The following ADGRB3 variants were observed in gnomAD, a reference collection of about 807,000 sequenced individuals.
ADGRB3 encodes brain-specific angiogenesis inhibitor 3.
In ADGRB3, 37 loss-of-function variants were observed where a neutral mutation model predicts 193.4. The ratio of observed to expected loss-of-function variants is 0.19; its 90% CI spans 0.15 to 0.25. The LOEUF is 0.25. Among genes scored for constraint, ADGRB3 ranks in the 10% least tolerant of loss-of-function variants. ADGRB3 has a pLI of 1.00. For synonymous variants in ADGRB3, 690 were observed against 644.2 expected (o/e 1.07, Z -1.08); for missense variants, 1,637 against 1,852.9 (o/e 0.88, Z 2.14).
rs1022806653 is a variant in ADGRB3, at chr6:69,053,051, T to A, written c.2333+3705T>A. 1.6e-4 allele frequency among the ~76,000 whole-genome samples: 25 copies of A among 152,000 alleles called. 1 individual carries two copies. Among genetic ancestry groups the A allele is most frequent in the Admixed American group, 1.1e-3 (17 of 15,264 alleles). ...AAATACAAAAATTAGCCGTGCATGG[T>A]GGTGTGTGCCTGTAGTCCCAGATAC... On this transcript the variant is annotated intron_variant, in intron 15 of 31. Transcript: ENST00000370598.
chr6:69,033,317 C>T (rs544831477), intron 13 of ADGRB3, among the ~76,000 whole-genome samples: 14 of 152,224 alleles, frequency 9.2e-5, no homozygotes, highest in African/African-American at 3.1e-4. Flanking sequence ...TTGAATGATT[C>T]ATACAAATAA....
chr6:68,642,132 C>T (rs140893745), intron 3 of ADGRB3, among the ~76,000 whole-genome samples: 1,771 of 152,230 alleles, frequency 0.012, 13 homozygotes, highest in Non-Finnish European at 0.018. Flanking sequence ...AGATTACTCT[C>T]CTTTGACTCC....
At chr6:69,061,149 C>A (rs1366639787) in intron 15 of ADGRB3, among the ~76,000 whole-genome samples, 1 of 151,644 alleles carries the variant, frequency 6.6e-6, no homozygotes, top group Non-Finnish European at 1.5e-5. Flanking sequence ...TAGACTTATG[C>A]TTTGTTGTTT....
intron 22 of ADGRB3, among the ~76,000 whole-genome samples, 182 bp downstream of exon 22, chr6:69,328,071 A>G (rs1292775352): frequency 1.3e-5 from 2 of 152,210 alleles, no homozygotes; most frequent in Non-Finnish European, 2.9e-5. Context: ...ATGTTGTGGC[A>G]CTATTCAGAA....
intron 26 of ADGRB3, among the ~76,000 whole-genome samples, chr6:69,346,147 T>G (rs1769083381): frequency 6.6e-6 from 1 of 152,150 alleles, no homozygotes; most frequent in Admixed American, 6.6e-5. Flanking sequence ...GAAGAATCAA[T>G]ATCATGAAAA....
intron 3 of ADGRB3, among the ~76,000 whole-genome samples, chr6:68,819,788 T>TA (rs1421741340): frequency 2.0e-5 from 3 of 152,072 alleles, no homozygotes; most frequent in Admixed American, 6.6e-5. Flanking sequence ...AGAGTTAAAT[T>TA]AAAAAACAAC....
intron 20 of ADGRB3, among the ~76,000 whole-genome samples, chr6:69,242,874 T>C (rs1199138971): frequency 6.6e-6 from 1 of 151,976 alleles, no homozygotes; most frequent in Non-Finnish European, 1.5e-5. Context: ...GTAAAGCATT[T>C]CCTTTACACC....
At chr6:68,973,727 A>G (rs1458291498) in intron 8 of ADGRB3, among the ~76,000 whole-genome samples, 1 of 152,212 alleles carries the variant, frequency 6.6e-6, no homozygotes, top group Non-Finnish European at 1.5e-5. Context: ...GACCCAAACA[A>G]GATCCCTAGC....
chr6:68,699,351 A>C (rs570509195), intron 3 of ADGRB3, among the ~76,000 whole-genome samples: 1 of 152,272 alleles, frequency 6.6e-6, no homozygotes, highest in Non-Finnish European at 1.5e-5. Flanking sequence ...AGAATTTTTC[A>C]GAGATCAGTA....
At chr6:68,815,189 C>T (rs975489723) in intron 3 of ADGRB3, among the ~76,000 whole-genome samples, 2 of 152,082 alleles carry the variant, frequency 1.3e-5, no homozygotes, top group Admixed American at 6.6e-5. Flanking sequence ...CCCAGTCCTT[C>T]GCGGCTCCTA....
intron 20 of ADGRB3, among the ~76,000 whole-genome samples, chr6:69,285,216 G>A (rs550854846): frequency 6.6e-6 from 1 of 152,312 alleles, no homozygotes; most frequent in Non-Finnish European, 1.5e-5. Flanking sequence ...TATACACTGA[G>A]TACTTAAGAA....
At chr6:68,982,710 A>G (rs1446076123) in intron 10 of ADGRB3, among the ~76,000 whole-genome samples, 4 of 152,160 alleles carry the variant, frequency 2.6e-5, no homozygotes, top group Non-Finnish European at 5.9e-5. Flanking sequence ...CTTTTTACAC[A>G]GGGCAGAAGC....
chr6:69,366,216 T>A (rs534802597), intron 29 of ADGRB3, among the ~76,000 whole-genome samples: 2 of 152,230 alleles, frequency 1.3e-5, no homozygotes, highest in Admixed American at 6.6e-5. Context: ...GATTACAGAA[T>A]TTTGTCTCTC....
chr6:69,181,439 A>G (rs1259631760), intron 17 of ADGRB3, among the ~76,000 whole-genome samples: 1 of 152,142 alleles, frequency 6.6e-6, no homozygotes, highest in African/African-American at 2.4e-5. Context: ...TCATTTTTAA[A>G]ACCTATAAAT....
At chr6:68,936,908 T>G (rs1767500563) in intron 5 of ADGRB3, among the ~76,000 whole-genome samples, 1 of 152,248 alleles carries the variant, frequency 6.6e-6, no homozygotes, top group Non-Finnish European at 1.5e-5. Flanking sequence ...AATATCAGTT[T>G]CTAATCTGTG....
chr6:68,651,323 T>G (rs543846086), intron 3 of ADGRB3, among the ~76,000 whole-genome samples: 2 of 152,324 alleles, frequency 1.3e-5, no homozygotes, highest in East Asian at 3.9e-4. Context: ...TGGAGCAGCA[T>G]CATTTCACTT....
At chr6:68,978,589 T>G (rs566638964) in intron 10 of ADGRB3, among the ~76,000 whole-genome samples, 2 of 151,602 alleles carry the variant, frequency 1.3e-5, no homozygotes, top group Admixed American at 6.6e-5. Flanking sequence ...CTCTGCATAC[T>G]CAATTGGAAA....
intron 3 of ADGRB3, among the ~76,000 whole-genome samples, chr6:68,675,179 C>A (rs1222825867): frequency 6.6e-6 from 1 of 152,122 alleles, no homozygotes; most frequent in Non-Finnish European, 1.5e-5. Flanking sequence ...GCAGGAGAAG[C>A]TGGAAGTAAG....
intron 20 of ADGRB3, among the ~76,000 whole-genome samples, chr6:69,266,518 AAG>A (rs1329626247): frequency 6.6e-6 from 1 of 152,066 alleles, no homozygotes; most frequent in Non-Finnish European, 1.5e-5. Context: ...GACAGATAAT[AAG>A]AGCCATTTGT....
Sources: allele counts gnomAD v4.1 joint callset (sites outside exome capture counted in the v4.1 genomes callset), GRCh38; gene constraint gnomAD v4.1.1; transcripts MANE v1.5; gene names NCBI Gene and HGNC (gene_info 2026-07-23, HGNC 2026-07-21).